Variants in ACOT7 observed in about 807,000 individuals in gnomAD.
The protein encoded by ACOT7 is cytosolic acyl coenzyme A thioester hydrolase.
Under a neutral mutation model 40.2 loss-of-function variants are expected in ACOT7, and 12 were observed. The ratio of observed to expected loss-of-function variants is 0.30; its 90% CI spans 0.19 to 0.48. ACOT7 has a LOEUF of 0.48. ACOT7 is among the 20% of genes least tolerant of loss of function. The probability of loss-of-function intolerance (pLI) is 0.99; values close to 1 mark genes in which losing one functional copy is unlikely to be tolerated. For synonymous variants in ACOT7, 228 were observed against 219.5 expected (o/e 1.04, Z -0.34); for missense variants, 395 against 530.8 (o/e 0.74, Z 2.51).
rs187061561 is a variant in ACOT7 at position 6,326,396 on chromosome 1, C to T, written c.625+903G>A. ...GAGGCAAAACATCTCATCGTGCCTT[C>T]GTTTAGATTTTGAGTGAACATTTTG... On this transcript the variant is annotated intron_variant, in intron 5 of 8. Transcript: ENST00000361521. 1.2e-4 allele frequency among the ~76,000 whole-genome samples: 19 copies of T among 152,274 alleles called. No homozygotes were observed. In the East Asian group the frequency reaches 3.5e-3, roughly 28 times the overall value.
At position 6,311,478 on chromosome 1, in the gene ACOT7, C is replaced by T. The variant is rs963313129; in HGVS notation, c.712+7014G>A. The stretch of plus-strand genomic sequence containing the variant: ...GCCGGGTCAGTTCCCCCAACAAAAC[C>T]GGTCCAGGGCAGGGCTGGAGCTGCC... On this transcript the variant is annotated intron_variant, in intron 6 of 8. Coordinates refer to ENST00000361521, the MANE Select transcript of ACOT7 (RefSeq NM_007274.4). This position sits in a 1 kb window ranked among gnomAD's most constrained non-coding sequence, Gnocchi z 5.2. 5.3e-5 allele frequency among the ~76,000 whole-genome samples: 8 copies of T among 152,166 alleles called. No homozygotes were observed. The highest frequency in any genetic ancestry group is 1.0e-4 in the Non-Finnish European group (7 of 68,036).
chr1:6,393,001 C>T (rs1269597153), intron 1 of ACOT7, among the ~76,000 whole-genome samples: 1 of 152,000 alleles, frequency 6.6e-6, no homozygotes, highest in African/African-American at 2.4e-5. Flanking sequence ...CCAAACGGCC[C>T]GTGGCGCGGC....
chr1:6,368,967 G>A (rs895890147), intron 1 of ACOT7, among the ~76,000 whole-genome samples: 1 of 152,166 alleles, frequency 6.6e-6, no homozygotes, highest in African/African-American at 2.4e-5. Flanking sequence ...TCTTCCCCAA[G>A]ACTACATTCC....
intron 1 of ACOT7, among the ~76,000 whole-genome samples, chr1:6,383,859 C>T (rs887449780): frequency 2.6e-5 from 4 of 151,714 alleles, no homozygotes; most frequent in East Asian, 3.9e-4. Flanking sequence ...CGCCCGCCAC[C>T]ACACTCGGCT....
rs144665336 is a variant in ACOT7, at chr1:6,289,438, T to C, written c.829+5426A>G. 4.3e-3 allele frequency among the ~76,000 whole-genome samples: 648 copies of C among 152,218 alleles called. 4 individuals carry two copies. The highest frequency in any genetic ancestry group is 0.015 in the African/African-American group (617 of 41,508). ...TAAATTGAGACAAGGTCTCACTCTG[T>C]CACCCAGGCTGAGTGCGGCGGCACA... On this transcript the variant is annotated intron_variant, in intron 7 of 8. Coordinates refer to ENST00000361521, the MANE Select transcript of ACOT7 (RefSeq NM_007274.4). The surrounding 1 kb of genome is among the most constrained non-coding windows in gnomAD (Gnocchi z 4.6).
intron 5 of ACOT7, 35 bp downstream of exon 5, chr1:6,327,264 G>T: frequency 1.2e-6 from 2 of 1,604,866 alleles, no homozygotes; most frequent in South Asian, 1.1e-5. Flanking sequence ...CCCCGGTGAG[G>T]AGTGGCACCT....
At chr1:6,277,735 C>T (rs1427563762) in intron 8 of ACOT7, among the ~76,000 whole-genome samples, 2 of 152,224 alleles carry the variant, frequency 1.3e-5, no homozygotes, top group East Asian at 1.9e-4. Context: ...TTGTACCTGT[C>T]CCCCGGCACA....
At chr1:6,315,925 C>T (rs979775409) in intron 6 of ACOT7, among the ~76,000 whole-genome samples, 1 of 151,982 alleles carries the variant, frequency 6.6e-6, no homozygotes, top group South Asian at 2.1e-4. Flanking sequence ...GCTTAGACAC[C>T]GTAAATGAAC....
In ACOT7 at chr1:6,360,131, G is replaced by T. The variant is rs1641854712; in HGVS notation, c.144-10265C>A. ...CCTCTCACCTATGTGCAAAAAGAAA[G>T]AAAAAGTCATTTTCAGCTTACAAAC... is the stretch of plus-strand genomic sequence containing the variant. On this transcript the variant is annotated intron_variant, in intron 1 of 8. Coordinates refer to ENST00000361521, the MANE Select transcript of ACOT7 (RefSeq NM_007274.4). Among the ~76,000 whole-genome samples the T allele has an allele frequency of 2.0e-5, 3 of 152,202 alleles. No individual in the cohort carries two copies. In the South Asian group the frequency reaches 6.2e-4, roughly 31 times the overall value.
chr1:6,290,247 C>G (rs1404295410), intron 7 of ACOT7, among the ~76,000 whole-genome samples: 3 of 152,176 alleles, frequency 2.0e-5, no homozygotes, highest in African/African-American at 7.2e-5. Flanking sequence ...TTCTGACCTC[C>G]AAAATTACAG....
At chr1:6,375,919 C>T (rs1437659879) in intron 1 of ACOT7, among the ~76,000 whole-genome samples, 1 of 143,816 alleles carries the variant, frequency 7.0e-6, no homozygotes, top group East Asian at 2.0e-4. Flanking sequence ...GCATGGGCAA[C>T]AGAGCGAGAC....
chr1:6,307,434 G>A (rs557433877), intron 6 of ACOT7, among the ~76,000 whole-genome samples: 1 of 152,352 alleles, frequency 6.6e-6, no homozygotes, highest in South Asian at 2.1e-4. Context: ...GACAGACAGA[G>A]GTCACAGGAA....
At chr1:6,389,701 T>C (rs1642501485) in intron 1 of ACOT7, among the ~76,000 whole-genome samples, 1 of 147,132 alleles carries the variant, frequency 6.8e-6, no homozygotes. Flanking sequence ...GGAGAATCAG[T>C]AGAACCTCGA....
At chr1:6,333,668 T>A in intron 3 of ACOT7, 100 bp from the exon 4 acceptor site, 1 of 1,132,348 alleles carries the variant, frequency 8.8e-7, no homozygotes, top group Non-Finnish European at 1.3e-6. Flanking sequence ...CCGGTCCCAG[T>A]ACCTGAAACA....
Position 6,282,072 on chromosome 1 carries a change from C to T in ACOT7, c.830-786G>A, listed in dbSNP as rs1434963440. 6.6e-6 allele frequency among the ~76,000 whole-genome samples: 1 copy of T among 152,144 alleles called. No homozygotes were observed. The highest frequency in any genetic ancestry group is 1.5e-5 in the Non-Finnish European group (1 of 68,022). ...TCCCATGTCCCTCTCTCCCCCTCAACCCTAACCAACCTCTCTGTACGCCCC... is the reference window on the plus strand; with the variant it reads ...TCCCATGTCCCTCTCTCCCCCTCAATCCTAACCAACCTCTCTGTACGCCCC... On this transcript the variant is annotated intron_variant, in intron 7 of 8. Coordinates refer to ENST00000361521, the MANE Select transcript of ACOT7 (RefSeq NM_007274.4). This position sits in a 1 kb window ranked among gnomAD's most constrained non-coding sequence, Gnocchi z 4.5.
At chr1:6,388,324 T>C (rs1039833012) in intron 1 of ACOT7, among the ~76,000 whole-genome samples, 1 of 151,904 alleles carries the variant, frequency 6.6e-6, no homozygotes, top group Non-Finnish European at 1.5e-5. Context: ...TTAGCCAGAA[T>C]GGTCTCCATC....
intron 1 of ACOT7, among the ~76,000 whole-genome samples, chr1:6,364,632 G>T (rs1005502345): frequency 4.3e-4 from 65 of 151,332 alleles, no homozygotes; most frequent in African/African-American, 1.5e-3. Context: ...GGCAGATCAC[G>T]AGGTCAAGAA....
intron 6 of ACOT7, chr1:6,307,004 C>T: frequency 9.3e-7 from 1 of 1,070,212 alleles, no homozygotes; most frequent in Middle Eastern, 2.4e-4. Flanking sequence ...CTTTCCTCTG[C>T]CTCCTCCTAT....
At chr1:6,380,586 C>CA (rs58196406) in intron 1 of ACOT7, among the ~76,000 whole-genome samples, 1,996 of 85,100 alleles carry the variant, frequency 0.023, 28 homozygotes, top group Non-Finnish European at 0.036. Context: ...AAGACCGTCT[C>CA]AAAAAAAAAA....
Sources: allele counts gnomAD v4.1 joint callset (sites outside exome capture counted in the v4.1 genomes callset), GRCh38; gene constraint gnomAD v4.1.1; non-coding constraint Gnocchi (gnomAD v3.1); transcripts MANE v1.5; gene names NCBI Gene and HGNC (gene_info 2026-07-23, HGNC 2026-07-21).